CCDC171: variants seen among roughly 807,000 people sequenced by gnomAD.
CCDC171 encodes coiled-coil domain-containing protein 171.
CCDC171 carries 177 observed loss-of-function variants against 168.2 expected under a neutral mutation model. The ratio of observed to expected loss-of-function variants is 1.05; its 90% confidence interval spans 0.93 to 1.19. The LOEUF is 1.19. Ranked by LOEUF, CCDC171 falls within the 50% of genes most tolerant of loss-of-function variation. The probability of loss-of-function intolerance (pLI) is 0.00; values close to 1 mark genes in which losing one functional copy is unlikely to be tolerated. For missense variants in CCDC171, 1,991 were observed against 1,539.0 expected (o/e 1.29, Z -4.91); for synonymous variants, 687 against 540.8 (o/e 1.27, Z -3.75).
At chr9:15,965,624 C>G (rs1367708642) in intron 25 of CCDC171, among the ~76,000 whole-genome samples, 1 of 152,180 alleles carries the variant, frequency 6.6e-6, no homozygotes, top group Non-Finnish European at 1.5e-5. Context: ...TGACATAATG[C>G]TGAATACATG....
intron 6 of CCDC171, among the ~76,000 whole-genome samples, chr9:15,614,733 G>A (rs1027096890): frequency 6.6e-6 from 1 of 152,098 alleles, no homozygotes; most frequent in Non-Finnish European, 1.5e-5. Flanking sequence ...AAAATATCAT[G>A]TTTTCTCATT....
the CCDC171 span, among the ~76,000 whole-genome samples, chr9:16,104,290 C>A: frequency 0.027 from 4,089 of 152,094 alleles, 76 homozygotes; most frequent in South Asian, 0.035. Context: ...CCCCTCCCCA[C>A]GGCTCATCTC....
At chr9:15,699,947 G>C (rs1251987948) in intron 11 of CCDC171, among the ~76,000 whole-genome samples, 1 of 152,356 alleles carries the variant, frequency 6.6e-6, no homozygotes, top group Admixed American at 6.5e-5. Context: ...GATTCTCCAC[G>C]TCCCCACCAG....
Position 16,034,598 on chromosome 9 carries a change from T to C in CCDC171, n.999-859T>C, listed in dbSNP as rs1833429850. Among the ~76,000 whole-genome samples, 3 of 152,200 alleles carry C rather than the reference T, an allele frequency of 2.0e-5. No homozygotes were observed. The South Asian group carries it at 6.2e-4, about 32-fold the overall frequency. ...GTGCGTGTGACATAGTTGAGTTCTCTTGAACGCCTCAAGGAAGCCTCCTGT... is the reference window on the plus strand; with the variant it reads ...GTGCGTGTGACATAGTTGAGTTCTCCTGAACGCCTCAAGGAAGCCTCCTGT... On this transcript the variant is annotated intron_variant and non_coding_transcript_variant, in intron 6 of 9. Transcript: ENST00000486641.
chr9:16,098,414 G>C, the CCDC171 span, among the ~76,000 whole-genome samples: 3 of 152,180 alleles, frequency 2.0e-5, no homozygotes, highest in African/African-American at 7.2e-5. Context: ...GTGAATAAGA[G>C]CTGCTATTTA....
intron 3 of CCDC171, among the ~76,000 whole-genome samples, chr9:16,018,498 A>G (rs945768192): frequency 6.6e-6 from 1 of 152,204 alleles, no homozygotes; most frequent in Admixed American, 6.5e-5. Context: ...TAAAAATTGG[A>G]CCTTATTCAT....
In CCDC171 at chr9:15,832,942, T is replaced by C. The variant is rs1006198747; in HGVS notation, c.3268-13760T>C. Among the ~76,000 whole-genome samples, 21 of 151,244 alleles carry C rather than the reference T, an allele frequency of 1.4e-4. 1 individual carries two copies. Among genetic ancestry groups the C allele is most frequent in the Admixed American group, 6.6e-4 (10 of 15,170 alleles). On this transcript the variant is annotated intron_variant, in intron 21 of 25. Transcript: ENST00000380701. ...CTACACAGGGTCAGGATCATCAAGA[T>C]ATTAGTAGGTGATAGGAAATTTTCA...
At chr9:15,908,776 G>T (rs1405569664) in intron 24 of CCDC171, among the ~76,000 whole-genome samples, 1 of 152,176 alleles carries the variant, frequency 6.6e-6, no homozygotes, top group Non-Finnish European at 1.5e-5. Context: ...GGTGAATGGG[G>T]AGCAGGCACG....
intron 4 of CCDC171, among the ~76,000 whole-genome samples, chr9:15,581,711 GA>G (rs2041134416): frequency 6.6e-6 from 1 of 152,070 alleles, no homozygotes; most frequent in African/African-American, 2.4e-5. Flanking sequence ...ATTGTGTTGG[GA>G]AAACTGGCTA....
At chr9:15,836,817 G>A (rs1022989428) in intron 21 of CCDC171, among the ~76,000 whole-genome samples, 1 of 152,172 alleles carries the variant, frequency 6.6e-6, no homozygotes, top group African/African-American at 2.4e-5. Context: ...GGACACCACC[G>A]ATTTACATCG....
intron 25 of CCDC171, among the ~76,000 whole-genome samples, chr9:15,931,411 C>A (rs765002589): frequency 8.7e-6 from 1 of 115,424 alleles, no homozygotes; most frequent in Non-Finnish European, 1.9e-5. Flanking sequence ...CTATTCAGGT[C>A]TTTTGCCTAT....
chr9:15,690,815 A>G (rs973257116), intron 10 of CCDC171, among the ~76,000 whole-genome samples: 2 of 152,208 alleles, frequency 1.3e-5, no homozygotes, highest in African/African-American at 2.4e-5. Context: ...AATGAATGAT[A>G]TAATATAAAA....
chr9:16,062,839 G>A (rs1833950141), downstream of CCDC171, among the ~76,000 whole-genome samples: 1 of 152,200 alleles, frequency 6.6e-6, no homozygotes, highest in African/African-American at 2.4e-5. Flanking sequence ...GGAGATCCTT[G>A]AAGGATGGAG....
intron 21 of CCDC171, among the ~76,000 whole-genome samples, chr9:15,808,749 G>T (rs1053923376): frequency 6.6e-6 from 1 of 152,104 alleles, no homozygotes; most frequent in Non-Finnish European, 1.5e-5. Flanking sequence ...ATTTTTTGAT[G>T]GGCTGTCTGT....
chr9:15,937,606 C>T (rs1290645019), intron 25 of CCDC171, among the ~76,000 whole-genome samples: 1 of 151,826 alleles, frequency 6.6e-6, no homozygotes, highest in Non-Finnish European at 1.5e-5. Context: ...TTTTAAAAGT[C>T]ATTACTAAAA....
At chr9:15,630,220 G>C (rs532383487) in intron 7 of CCDC171, among the ~76,000 whole-genome samples, 1 of 152,254 alleles carries the variant, frequency 6.6e-6, no homozygotes, top group Admixed American at 6.5e-5. Flanking sequence ...CCAATTAAAA[G>C]ACACAGACTG....
intron 7 of CCDC171, among the ~76,000 whole-genome samples, chr9:15,627,216 T>C (rs1198008501): frequency 1.3e-5 from 2 of 152,304 alleles, no homozygotes; most frequent in South Asian, 4.1e-4. Context: ...TTTTCTTCTT[T>C]ATTAGTCTTG....
chr9:15,752,417 T>C (rs1309553084), intron 18 of CCDC171, among the ~76,000 whole-genome samples: 1 of 152,118 alleles, frequency 6.6e-6, no homozygotes, highest in Non-Finnish European at 1.5e-5. Context: ...ACTGAAAGGA[T>C]TGTAAATCAT....
chr9:16,002,415 A>T (rs1185867454), intron 3 of CCDC171, among the ~76,000 whole-genome samples: 2 of 152,048 alleles, frequency 1.3e-5, no homozygotes, highest in African/African-American at 4.8e-5. Context: ...CAGAAATTTT[A>T]AAAAATTAAA....
Sources: allele counts gnomAD v4.1 joint callset (sites outside exome capture counted in the v4.1 genomes callset), GRCh38; gene constraint gnomAD v4.1.1; transcripts MANE v1.5; gene names NCBI Gene and HGNC (gene_info 2026-07-23, HGNC 2026-07-21).